The following PCNP variants were observed in gnomAD, a reference collection of about 807,000 sequenced individuals.
PCNP encodes PEST proteolytic signal-containing nuclear protein.
In PCNP, 6 loss-of-function variants were observed where a neutral mutation model predicts 21.8. That is an observed-to-expected ratio of 0.28 (90% CI 0.15 to 0.54). PCNP has a LOEUF of 0.54. PCNP is among the 20% of genes least tolerant of loss of function. The pLI is 0.95. For synonymous variants in PCNP, 67 were observed against 73.2 expected (o/e 0.92, Z 0.43); for missense variants, 161 against 215.5 (o/e 0.75, Z 1.58).
At chr3:101,582,785 G>A (rs1935293304) in intron 2 of PCNP, among the ~76,000 whole-genome samples, 1 of 152,236 alleles carries the variant, frequency 6.6e-6, no homozygotes, top group South Asian at 2.1e-4. Context: ...GGACTTAAAT[G>A]TAGGCAGGAG....
chr3:101,589,980 T>C, intron 3 of PCNP: 1 of 466,118 alleles, frequency 2.1e-6, no homozygotes, highest in Non-Finnish European at 3.8e-6. Flanking sequence ...GTTTTAGTTC[T>C]AGAATGTTTG....
At chr3:101,584,829 C>G (rs779126560) in intron 2 of PCNP, among the ~76,000 whole-genome samples, 1 of 152,146 alleles carries the variant, frequency 6.6e-6, no homozygotes, top group Non-Finnish European at 1.5e-5. Context: ...GGCGAAACCT[C>G]GTCTCTACTA....
chr3:101,576,558 A>G, intron 1 of PCNP: 1 of 1,610,958 alleles, frequency 6.2e-7, no homozygotes, highest in Non-Finnish European at 8.5e-7. Flanking sequence ...GGCCTCGGAC[A>G]CGAAGGCCCC....
chr3:101,577,889 A>C (rs2108273382), intron 1 of PCNP, among the ~76,000 whole-genome samples: 1 of 152,332 alleles, frequency 6.6e-6, no homozygotes, highest in Non-Finnish European at 1.5e-5. Flanking sequence ...CCAACTACTC[A>C]ATGAAAAAAC....
intron 3 of PCNP, among the ~76,000 whole-genome samples, chr3:101,587,244 C>CT (rs1935577330): frequency 7.7e-6 from 1 of 130,642 alleles, no homozygotes; most frequent in Admixed American, 7.7e-5. Context: ...GAGCAAAACT[C>CT]TGTCTCAAAA....
In PCNP at chr3:101,586,545, C is replaced by CGTGTGTGTGTGT. The variant is rs377617517; in HGVS notation, c.354+1050_354+1061dup. ...CCAAAAGCATATGTGGGCGTATATTCGTGTGTGTGTGTGTGTGTGTGTGTG... is the reference window on the plus strand; with the variant it reads ...CCAAAAGCATATGTGGGCGTATATTCGTGTGTGTGTGTGTGTGTGTGTGTGTGTGTGTGTGTG... On this transcript the variant is annotated intron_variant, in intron 3 of 4. Transcript: ENST00000265260. Among the ~76,000 whole-genome samples, 949 of 99,704 alleles carry CGTGTGTGTGTGT rather than the reference C, an allele frequency of 9.5e-3. 3 individuals are homozygous for CGTGTGTGTGTGT. Among genetic ancestry groups the CGTGTGTGTGTGT allele is most frequent in the South Asian group, 0.015 (38 of 2,504 alleles). 65.4% of individuals were successfully genotyped at this position (99,704 alleles called of 152,430 possible). A position where few individuals can be genotyped will look rare whatever the true frequency, so the allele number is the denominator to read the frequency against.
At chr3:101,583,563 A>T (rs1935342467) in intron 2 of PCNP, among the ~76,000 whole-genome samples, 2 of 152,104 alleles carry the variant, frequency 1.3e-5, no homozygotes, top group Admixed American at 6.6e-5. Context: ...CTGCAGTGAG[A>T]CAAGATTGCA....
At chr3:101,578,444 T>A (rs1935046081) in intron 1 of PCNP, among the ~76,000 whole-genome samples, 1 of 152,254 alleles carries the variant, frequency 6.6e-6, no homozygotes. Context: ...TTTTGTGATT[T>A]TATATATAAG....
intron 3 of PCNP, chr3:101,589,899 G>A (rs1935718620): frequency 4.0e-6 from 1 of 252,866 alleles, no homozygotes; most frequent in South Asian, 6.0e-5. Context: ...TCCCTCATGC[G>A]ATTATGTTAG....
chr3:101,577,890 A>G (rs540569128), intron 1 of PCNP, among the ~76,000 whole-genome samples: 88 of 152,314 alleles, frequency 5.8e-4, no homozygotes, highest in Non-Finnish European at 1.1e-3. Flanking sequence ...CAACTACTCA[A>G]TGAAAAAACA....
intron 1 of PCNP, 109 bp downstream of exon 1, chr3:101,574,388 A>C (rs1576599522): frequency 1.5e-6 from 2 of 1,340,770 alleles, no homozygotes; most frequent in South Asian, 1.5e-5. Context: ...TCTGGACCTC[A>C]CCCGGCCAGG....
chr3:101,589,174 T>C (rs375390068), intron 3 of PCNP, among the ~76,000 whole-genome samples: 2 of 152,200 alleles, frequency 1.3e-5, no homozygotes, highest in South Asian at 4.1e-4. Context: ...ATTATCACAT[T>C]TAAATTTTAT....
chr3:101,576,898 T>G (rs1349068799), intron 1 of PCNP: 1 of 1,605,036 alleles, frequency 6.2e-7, no homozygotes, highest in Non-Finnish European at 8.5e-7. Flanking sequence ...GATGTTGGTG[T>G]TGAGTACTCG....
rs1466116611 is a variant in PCNP, at chr3:101,581,900, C to A, written c.279+1896C>A. The stretch of plus-strand genomic sequence containing the variant: ...GGGTTACAGGCATGCACCACCACGC[C>A]TGGCTAATTTTGTATTTTTAGTAGA... On this transcript the variant is annotated intron_variant, in intron 2 of 4. Transcript: ENST00000265260. 5.9e-5 allele frequency among the ~76,000 whole-genome samples: 9 copies of A among 151,428 alleles called. No individual in the cohort carries two copies. In the South Asian group the frequency reaches 1.9e-3, roughly 32 times the overall value.
chr3:101,584,798 C>G (rs1455030752), intron 2 of PCNP, among the ~76,000 whole-genome samples: 3 of 151,944 alleles, frequency 2.0e-5, no homozygotes, highest in Admixed American at 2.0e-4. Context: ...GTCAGGAGTT[C>G]AAGACCAGCC....
intron 2 of PCNP, among the ~76,000 whole-genome samples, chr3:101,581,761 A>T (rs1324398872): frequency 3.4e-5 from 5 of 146,272 alleles, no homozygotes; most frequent in African/African-American, 1.3e-4. Context: ...TTTTTTTGAG[A>T]CGGAGTTTAA....
chr3:101,578,167 A>G (rs1935031514), intron 1 of PCNP, among the ~76,000 whole-genome samples: 1 of 152,138 alleles, frequency 6.6e-6, no homozygotes, highest in Non-Finnish European at 1.5e-5. Context: ...TCTCTGTTCC[A>G]TTGTGTAGAG....
intron 2 of PCNP, among the ~76,000 whole-genome samples, chr3:101,581,438 A>T (rs556827775): frequency 1.4e-4 from 21 of 151,220 alleles, no homozygotes; most frequent in African/African-American, 5.1e-4. Context: ...TTATTTATTT[A>T]TTTATTTTTT....
At chr3:101,576,853 G>T in intron 1 of PCNP, 1 of 1,606,584 alleles carries the variant, frequency 6.2e-7, no homozygotes, top group Non-Finnish European at 8.5e-7. Flanking sequence ...ACCCTTAATG[G>T]CAGTGATGGC....
Sources: gnomAD v4.1 joint callset for allele counts (sites outside exome capture counted in the v4.1 genomes callset) on GRCh38, gnomAD v4.1.1 for gene constraint, MANE v1.5 for transcripts, NCBI Gene and HGNC (gene_info 2026-07-23, HGNC 2026-07-21) for gene names.